The following THADA variants were observed in gnomAD, a reference collection of about 807,000 sequenced individuals.
THADA encodes the protein tRNA (32-2'-O)-methyltransferase regulator THADA.
In THADA, 213 loss-of-function variants were observed where a neutral mutation model predicts 219.8. The ratio of observed to expected loss-of-function variants is 0.97; its 90% CI spans 0.87 to 1.09. The LOEUF (loss-of-function observed/expected upper bound fraction) is 1.09. Among genes scored for constraint, THADA ranks in the 50% least tolerant of loss-of-function variants. THADA has a pLI of 0.00. For missense variants in THADA, 2,956 were observed against 2,311.3 expected (o/e 1.28, Z -5.72); for synonymous variants, 1,018 against 828.9 (o/e 1.23, Z -3.92).
chr2:43,574,380 T>C lies in THADA; in HGVS notation c.1685A>G (p.Gln562Arg). ...AGTCTGAAGAATCTTTACCATGTAC[T>C]GTAAGCTTTCAGGGCTGTAACTTAA... is the stretch of plus-strand genomic sequence containing the variant. ...KLLSYSPESL[Q>R]YMVKILQTSI... Residue 562 changes from glutamine (Q) to arginine (R), a missense_variant, in exon 11 of 38, where the codon CAG (glutamine) becomes CGG (arginine). By Grantham distance (43) the Gln-to-Arg change is conservative (BLOSUM62 1). Coordinates refer to ENST00000405975, the MANE Select transcript of THADA (RefSeq NM_022065.5). 1.2e-6 allele frequency: 2 copies of C among 1,606,690 alleles called. No homozygotes were observed. The highest frequency in any genetic ancestry group is 1.7e-6 in the Non-Finnish European group (2 of 1,176,528).
intron 28 of THADA, among the ~76,000 whole-genome samples, chr2:43,400,219 G>C (rs561914772): frequency 6.6e-6 from 1 of 152,194 alleles, no homozygotes; most frequent in South Asian, 2.1e-4. Context: ...AGGAAGGATG[G>C]AAAGGGGGAA....
At chr2:43,400,023 A>C (rs1177003446) in intron 28 of THADA, among the ~76,000 whole-genome samples, 3 of 152,198 alleles carry the variant, frequency 2.0e-5, no homozygotes, top group Non-Finnish European at 4.4e-5. Flanking sequence ...TTTGTGTTAC[A>C]CTGTGTTTTA....
intron 30 of THADA, among the ~76,000 whole-genome samples, chr2:43,330,913 C>T (rs571825209): frequency 1.3e-5 from 2 of 152,318 alleles, no homozygotes; most frequent in East Asian, 3.9e-4. Context: ...TCTTCTGAGA[C>T]AGCCATATCT....
intron 31 of THADA, among the ~76,000 whole-genome samples, chr2:43,297,253 C>A (rs1350690823): frequency 2.8e-5 from 3 of 108,176 alleles, no homozygotes. Context: ...AGGTGAGGAG[C>A]GTCTCTGCCC....
intron 22 of THADA, among the ~76,000 whole-genome samples, chr2:43,527,577 C>T (rs150005629): frequency 6.6e-6 from 1 of 150,594 alleles, no homozygotes; most frequent in African/African-American, 2.5e-5. Context: ...TTCAAACAGA[C>T]AAAACATTTA....
At chr2:43,500,645 C>T (rs1688837403) in intron 24 of THADA, among the ~76,000 whole-genome samples, 1 of 152,118 alleles carries the variant, frequency 6.6e-6, no homozygotes, top group South Asian at 2.1e-4. Context: ...TTAAAAATTG[C>T]AGCAGATTGA....
intron 15 of THADA, chr2:43,564,998 G>C (rs941162833): frequency 1.3e-5 from 2 of 152,172 alleles, no homozygotes; most frequent in Non-Finnish European, 2.9e-5. Flanking sequence ...AAGGCCATTT[G>C]TTGGGACAAT....
chr2:43,587,129 A>T, intron 4 of THADA, 127 bp from the exon 5 acceptor site: 5 of 929,960 alleles, frequency 5.4e-6, no homozygotes, highest in Non-Finnish European at 8.0e-6. Flanking sequence ...GAAAACTACA[A>T]CTACACACTA....
rs1400946464 is a variant in THADA, at chr2:43,566,268, T to G, written c.2311+430A>C. On this transcript the variant is annotated intron_variant, in intron 15 of 37. Transcript: ENST00000405975. The stretch of plus-strand genomic sequence containing the variant: ...TCATATTGTCTTTCCGAAACCAGAC[T>G]GAGGCACATGAAACAGACGGCATGT... 8 of 510,508 alleles carry G rather than the reference T, an allele frequency of 1.6e-5. No individual in the cohort carries two copies. In the East Asian group the frequency reaches 2.6e-4, roughly 17 times the overall value. 31.6% of individuals were successfully genotyped at this position (510,508 alleles called of 1,614,324 possible). A position where few individuals can be genotyped will look rare whatever the true frequency, so the allele number is the denominator to read the frequency against.
chr2:43,514,455 A>AAT (rs1690911748), intron 22 of THADA, among the ~76,000 whole-genome samples: 1 of 132,626 alleles, frequency 7.5e-6, no homozygotes, highest in African/African-American at 2.9e-5. Context: ...TGTCTTAAAA[A>AAT]ATATATATAT....
At chr2:43,552,423 T>C in intron 17 of THADA, 84 bp from the exon 18 acceptor site, 4 of 1,383,562 alleles carry the variant, frequency 2.9e-6, no homozygotes, top group Non-Finnish European at 3.9e-6. Context: ...TTCCCATTAA[T>C]ATGGCCAACT....
intron 24 of THADA, 136 bp from the exon 25 acceptor site, chr2:43,499,091 C>A (rs964640945): frequency 7.3e-6 from 7 of 954,676 alleles, no homozygotes; most frequent in Non-Finnish European, 1.0e-5. Flanking sequence ...AATGAAATAG[C>A]AGATTTAATA....
At chr2:43,352,511 T>C (rs2104562938) in intron 29 of THADA, among the ~76,000 whole-genome samples, 1 of 151,590 alleles carries the variant, frequency 6.6e-6, no homozygotes, top group South Asian at 2.1e-4. Context: ...TGAGCAGAGA[T>C]CGCGCCACTG....
rs1558864377 is a variant in THADA, at chr2:43,501,306, C to CAAAAAAAAA, written c.3622-2352_3622-2351insTTTTTTTTT. Among the ~76,000 whole-genome samples, 43 of 12,264 alleles carry CAAAAAAAAA rather than the reference C, an allele frequency of 3.5e-3. 1 individual carries two copies. Among genetic ancestry groups the CAAAAAAAAA allele is most frequent in the African/African-American group, 0.011 (42 of 3,654 alleles). 8.0% of individuals were successfully genotyped at this position (12,264 alleles called of 152,430 possible). On this transcript the variant is annotated intron_variant, in intron 24 of 37. Transcript: ENST00000405975. ...GGGCAACAAAAGCGAAACTCCAACT[C>CAAAAAAAAA]CAAAAAAAAAAAAAAAAAAAAAAAA...
chr2:43,413,607 T>C (rs1300986283), intron 28 of THADA, among the ~76,000 whole-genome samples: 4 of 152,220 alleles, frequency 2.6e-5, no homozygotes, highest in African/African-American at 9.6e-5. Flanking sequence ...AGCCATCAAG[T>C]GACCCATTGC....
At chr2:43,480,910 C>A (rs1686136292) in intron 26 of THADA, among the ~76,000 whole-genome samples, 1 of 151,998 alleles carries the variant, frequency 6.6e-6, no homozygotes, top group Admixed American at 6.6e-5. Flanking sequence ...GGGCTTGCTA[C>A]AAGTTACTAT....
chr2:43,425,857 G>C (rs1166206141), intron 28 of THADA, among the ~76,000 whole-genome samples: 1 of 152,174 alleles, frequency 6.6e-6, no homozygotes, highest in African/African-American at 2.4e-5. Context: ...CAGTTACAGA[G>C]CTACAATTTG....
chr2:43,484,125 G>A (rs768219440), intron 26 of THADA, among the ~76,000 whole-genome samples: 1 of 151,930 alleles, frequency 6.6e-6, no homozygotes, highest in Non-Finnish European at 1.5e-5. Flanking sequence ...CTCTGGTATT[G>A]CCTGAACATG....
At chr2:43,574,257 TATG>T (rs1220425793) in intron 11 of THADA, 76 bp downstream of exon 11, 5 of 940,012 alleles carry the variant, frequency 5.3e-6, no homozygotes, top group Middle Eastern at 2.7e-4. Flanking sequence ...TAAATTTGAA[TATG>T]ATTAGTATCT....
Sources: allele counts gnomAD v4.1 joint callset (sites outside exome capture counted in the v4.1 genomes callset), GRCh38; gene constraint gnomAD v4.1.1; transcripts MANE v1.5; gene names NCBI Gene and HGNC (gene_info 2026-07-23, HGNC 2026-07-21).